COL26A1: variants seen among roughly 807,000 people sequenced by gnomAD.
The protein encoded by COL26A1 is collagen type XXVI alpha 1 chain, also known as collagen alpha-1(XXVI) chain.
COL26A1 carries 41 observed loss-of-function variants against 59.3 expected under a neutral mutation model. That is an observed-to-expected ratio of 0.69 (90% confidence interval 0.54 to 0.90). The LOEUF (loss-of-function observed/expected upper bound fraction) is 0.90, where lower values mean the gene tolerates loss of function less well. Ranked by LOEUF, COL26A1 falls within the 40% of genes least tolerant of loss-of-function variation. The pLI is 0.00. For synonymous variants in COL26A1, 266 were observed against 256.0 expected (o/e 1.04, Z -0.37); for missense variants, 612 against 602.3 (o/e 1.02, Z -0.17).
rs573461850 is a variant in COL26A1 at position 101,408,194 on chromosome 7, T to C, written c.159-11783T>C. Among the ~76,000 whole-genome samples the C allele has an allele frequency of 2.3e-3, 344 of 152,256 alleles. 2 individuals are homozygous for C. Among genetic ancestry groups the C allele is most frequent in the Non-Finnish European group, 3.8e-3 (259 of 68,010 alleles). ...GCCAGAGTCTAACATGGAGGGTGTT[T>C]ATTAGGGATGGCTTTTAGGATAAAT... On this transcript the variant is annotated intron_variant, in intron 1 of 12. Transcript: ENST00000313669.
intron 3 of COL26A1, among the ~76,000 whole-genome samples, chr7:101,495,741 A>G (rs554170109): frequency 1.3e-5 from 2 of 149,428 alleles, no homozygotes; most frequent in South Asian, 2.2e-4. Context: ...TTTTGCCACC[A>G]CATCTGGCAT....
intron 3 of COL26A1, among the ~76,000 whole-genome samples, chr7:101,516,747 G>A (rs1359616584): frequency 1.3e-5 from 2 of 152,170 alleles, no homozygotes; most frequent in African/African-American, 2.4e-5. Flanking sequence ...GTCACACAGC[G>A]TGTCGGGGGC....
chr7:101,539,308 GTGTGTGTGTGTGCGTA>G (rs1487753627), intron 4 of COL26A1, among the ~76,000 whole-genome samples: 2 of 151,370 alleles, frequency 1.3e-5, no homozygotes, highest in Non-Finnish European at 2.9e-5. Flanking sequence ...GTGTGTGTGT[GTGTGTGTGTGTGCGTA>G]TGTGTGTGTG....
chr7:101,463,693 CTT>C (rs201096042), intron 3 of COL26A1, among the ~76,000 whole-genome samples: 28 of 75,366 alleles, frequency 3.7e-4, no homozygotes, highest in African/African-American at 1.3e-3. Flanking sequence ...CCCTTTCTTT[CTT>C]TTTCTCTCTC....
chr7:101,389,429 G>C (rs941049096), intron 1 of COL26A1, among the ~76,000 whole-genome samples: 10 of 143,194 alleles, frequency 7.0e-5, no homozygotes, highest in Non-Finnish European at 1.0e-4. Flanking sequence ...GCCCATGCTA[G>C]AGTGCAGCGG....
intron 3 of COL26A1, among the ~76,000 whole-genome samples, chr7:101,530,764 A>T (rs1562791557): frequency 6.6e-6 from 1 of 151,606 alleles, no homozygotes; most frequent in Non-Finnish European, 1.5e-5. Context: ...CCTCTGCCCC[A>T]TCTGGGGCAT....
chr7:101,472,968 G>A (rs1793940471), intron 3 of COL26A1, among the ~76,000 whole-genome samples: 1 of 152,258 alleles, frequency 6.6e-6, no homozygotes, highest in Non-Finnish European at 1.5e-5. Context: ...TATTGCCTGG[G>A]CCTCTCATTC....
At chr7:101,363,853 G>A (rs10232897) in intron 1 of COL26A1, among the ~76,000 whole-genome samples, 88,075 of 152,044 alleles carry the variant, frequency 0.58, 27,095 homozygotes, top group African/African-American at 0.8. Context: ...TTTGTGTCGC[G>A]GAGCAGGTTC....
At chr7:101,548,326 A>G (rs1204173250) in intron 8 of COL26A1, among the ~76,000 whole-genome samples, 1 of 151,958 alleles carries the variant, frequency 6.6e-6, no homozygotes, top group African/African-American at 2.4e-5. Context: ...AGAGACCAAG[A>G]CCTTACTCTT....
intron 3 of COL26A1, among the ~76,000 whole-genome samples, chr7:101,449,457 G>C (rs753676691): frequency 1.6e-4 from 24 of 152,194 alleles, no homozygotes; most frequent in Non-Finnish European, 2.6e-4. Context: ...ACCTGAGCCT[G>C]TTTCAGTGAT....
At chr7:101,405,932 C>T (rs942002362) in intron 1 of COL26A1, among the ~76,000 whole-genome samples, 11 of 152,162 alleles carry the variant, frequency 7.2e-5, no homozygotes, top group African/African-American at 2.2e-4. Flanking sequence ...AATTCCCCAC[C>T]GTGGAAGCTG....
intron 1 of COL26A1, among the ~76,000 whole-genome samples, chr7:101,373,106 G>C (rs778159062): frequency 6.6e-5 from 10 of 152,190 alleles, no homozygotes; most frequent in Non-Finnish European, 1.3e-4. Context: ...TCACAGTCAG[G>C]CTTGTGCCAA....
chr7:101,430,160 G>A (rs967224375), intron 2 of COL26A1, among the ~76,000 whole-genome samples: 10 of 151,524 alleles, frequency 6.6e-5, no homozygotes, highest in African/African-American at 2.4e-4. Context: ...TGTAGTTTTG[G>A]GCATACAAAT....
intron 3 of COL26A1, among the ~76,000 whole-genome samples, chr7:101,509,414 C>T (rs151139997): frequency 6.6e-6 from 1 of 152,090 alleles, no homozygotes; most frequent in African/African-American, 2.4e-5. Context: ...CCACTGTACT[C>T]CAGCTCAGGC....
intron 3 of COL26A1, among the ~76,000 whole-genome samples, chr7:101,523,511 T>A (rs1452938737): frequency 6.6e-6 from 1 of 152,220 alleles, no homozygotes; most frequent in Non-Finnish European, 1.5e-5. Flanking sequence ...TTTTTTACCC[T>A]TTATGTTTAG....
At chr7:101,395,902 C>G (rs1454067767) in intron 1 of COL26A1, among the ~76,000 whole-genome samples, 1 of 152,136 alleles carries the variant, frequency 6.6e-6, no homozygotes, top group East Asian at 1.9e-4. Context: ...TCTTTGTGCA[C>G]TTAGGTGCTC....
intron 3 of COL26A1, among the ~76,000 whole-genome samples, chr7:101,485,826 G>A (rs529026850): frequency 1.6e-4 from 25 of 152,230 alleles, no homozygotes; most frequent in Admixed American, 4.6e-4. Flanking sequence ...ATGTGACCTT[G>A]GGATTGTCCC....
chr7:101,494,468 A>G (rs762935160), intron 3 of COL26A1, among the ~76,000 whole-genome samples: 13 of 152,190 alleles, frequency 8.5e-5, no homozygotes, highest in Admixed American at 2.0e-4. Flanking sequence ...CATTCATAAT[A>G]GGAAGAGATG....
Position 101,557,412 on chromosome 7 carries a change from C to T in COL26A1, c.1208C>T (p.Ala403Val). ...GAGGGAGGTTCTGGCCAGGATGCTG[C>T]CCTGAGAGCCAACCTCAAGATGAAG... ...SPEGGSGQDA[A>V]LRANLKMKRG... The change falls in exon 13 of 13, where the codon GCC becomes GTC. Residue 403 changes from alanine to valine, a missense_variant. Ala to Val is a moderately conservative substitution (Grantham distance 64, BLOSUM62 0). Transcript: ENST00000313669. The T allele has an allele frequency of 6.2e-7, 1 of 1,613,750 alleles. No homozygotes were observed. The highest frequency in any genetic ancestry group is 8.5e-7 in the Non-Finnish European group (1 of 1,179,732).
Sources: gnomAD v4.1 joint callset for allele counts (sites outside exome capture counted in the v4.1 genomes callset) on GRCh38, gnomAD v4.1.1 for gene constraint, MANE v1.5 for transcripts, NCBI Gene and HGNC (gene_info 2026-07-23, HGNC 2026-07-21) for gene names.